LYST: variants seen among roughly 807,000 people sequenced by gnomAD.
The protein encoded by LYST is lysosomal trafficking regulator, also known as lysosomal-trafficking regulator.
LYST carries 192 observed loss-of-function variants against 413.6 expected under a neutral mutation model. The observed-to-expected ratio is 0.46, with a 90% CI of 0.41 to 0.52. The LOEUF (loss-of-function observed/expected upper bound fraction) is 0.52, where lower values mean the gene tolerates loss of function less well. LYST is among the 20% of genes least tolerant of loss of function. The pLI is 0.00. For synonymous variants in LYST, 1,525 were observed against 1,567.3 expected, an observed-to-expected ratio of 0.97 and a Z score of 0.64; for missense variants, 3,815 against 4,499.9, an observed-to-expected ratio of 0.85 and a Z score of 4.35.
intron 32 of LYST, among the ~76,000 whole-genome samples, chr1:235,734,192 A>G (rs1006390237): frequency 3.9e-5 from 6 of 152,092 alleles, no homozygotes; most frequent in African/African-American, 1.4e-4. Context: ...CTTTTTCATT[A>G]AAGAACCTCT....
intron 1 of LYST, among the ~76,000 whole-genome samples, chr1:235,840,677 T>G (rs768676943): frequency 3.9e-5 from 6 of 152,152 alleles, no homozygotes; most frequent in Non-Finnish European, 8.8e-5. Flanking sequence ...ATTTTGAACA[T>G]GTGAGTGGCA....
Position 235,778,121 on chromosome 1 carries a change from A to ATATT in LYST, c.5215-814_5215-813insAATA, listed in dbSNP as rs1039912155. The stretch of plus-strand genomic sequence containing the variant: ...TAAATATATATATATATATATATAT[A>ATATT]TTTTTGTAGAGACATGGTCTTGTTA... On this transcript the variant is annotated intron_variant, in intron 16 of 52. Coordinates refer to ENST00000389793, the MANE Select transcript of LYST (RefSeq NM_000081.4). Among the ~76,000 whole-genome samples the ATATT allele has an allele frequency of 5.0e-4, 73 of 145,298 alleles. 1 individual carries two copies. The highest frequency in any genetic ancestry group is 3.3e-3 in the Admixed American group (49 of 14,786).
rs755781095 is a variant in LYST at position 235,730,868 on chromosome 1, T to C, written c.9023A>G (p.Lys3008Arg). ...TTACCTTATAGATTCACTTGCAGCT[T>C]TGTCTTTGACAGTAGAAGAGAAAGA... ...HSSFSSTVKD[K>R]AASESIRVNR... The change falls in exon 36 of 53, where the codon AAA becomes AGA. Residue 3008 changes from lysine (K) to arginine (R), a missense_variant. Physicochemically the swap from Lys to Arg is conservative, Grantham distance 26 (BLOSUM62 2). Coordinates refer to ENST00000389793, the MANE Select transcript of LYST (RefSeq NM_000081.4). 8 of 1,611,938 alleles carry C rather than the reference T, an allele frequency of 5.0e-6. No homozygotes were observed. In the Admixed American group the frequency reaches 1.3e-4, roughly 27 times the overall value.
upstream of LYST, among the ~76,000 whole-genome samples, chr1:235,869,357 A>C (rs903467594): frequency 1.3e-4 from 20 of 152,184 alleles, no homozygotes; most frequent in Admixed American, 6.5e-5. Flanking sequence ...CTGTAGTCTC[A>C]GCTAATCGAG....
chr1:235,809,061 A>T lies in LYST; in HGVS notation c.1757T>A (p.Met586Lys), dbSNP rs770588600. The T allele has an allele frequency of 5.6e-6, 9 of 1,614,160 alleles. No individual in the cohort carries two copies. The East Asian group carries it at 1.8e-4, about 32-fold the overall frequency. The change falls in exon 5 of 53, where the codon ATG (methionine) becomes AAG (lysine). Residue 586 changes from methionine (M) to lysine (K), a missense_variant. This residue lies in a region of LYST where 1,648 missense variants were observed against 1,810.3 expected (regional missense o/e 0.91). Transcript: ENST00000389793. This position sits in a 1 kb window ranked among gnomAD's most constrained non-coding sequence, Gnocchi z 4.0. ...GVHNIGICCC[M>K]DPKSVIIPLL... ...AGGAATGATTACAGATTTGGGATCC[A>T]TACAACAGCATATTCCAATGTTATG...
chr1:235,852,195 T>C (rs546153950), intron 1 of LYST, among the ~76,000 whole-genome samples: 4 of 152,202 alleles, frequency 2.6e-5, no homozygotes, highest in East Asian at 3.9e-4. Context: ...GAAATGCTGT[T>C]AAGGCTTTTA....
intron 50 of LYST, among the ~76,000 whole-genome samples, chr1:235,673,569 C>A (rs2103028133): frequency 6.6e-6 from 1 of 152,304 alleles, no homozygotes. Flanking sequence ...CCGCCCCCCA[C>A]AACTGTCACA....
intron 3 of LYST, among the ~76,000 whole-genome samples, chr1:235,821,470 C>A (rs994860554): frequency 3.3e-5 from 5 of 151,972 alleles, no homozygotes; most frequent in African/African-American, 9.7e-5. Flanking sequence ...AAAATTGGTT[C>A]TTCTAATCTT....
chr1:235,823,792 C>T (rs1012252221), intron 3 of LYST, among the ~76,000 whole-genome samples: 1 of 152,214 alleles, frequency 6.6e-6, no homozygotes, highest in African/African-American at 2.4e-5. Context: ...ATGTCAATAT[C>T]TAAGAAGCAG....
chr1:235,775,462 G>A (rs1669139118), intron 17 of LYST, among the ~76,000 whole-genome samples: 1 of 152,142 alleles, frequency 6.6e-6, no homozygotes, highest in Non-Finnish European at 1.5e-5. Flanking sequence ...GGGGTCTACT[G>A]TCCTGTCAAA....
intron 39 of LYST, among the ~76,000 whole-genome samples, chr1:235,722,623 C>T (rs972158641): frequency 6.6e-6 from 1 of 152,056 alleles, no homozygotes; most frequent in Non-Finnish European, 1.5e-5. Context: ...GTAGCTGGGA[C>T]TACAGGCATG....
chr1:235,801,350 T>C (rs1413038620), intron 8 of LYST, among the ~76,000 whole-genome samples: 1 of 151,772 alleles, frequency 6.6e-6, no homozygotes, highest in Non-Finnish European at 1.5e-5. Flanking sequence ...TACAGACATA[T>C]GATAGAGATT....
At chr1:235,770,102 T>C (rs927420163) in intron 20 of LYST, 58 bp downstream of exon 20, 10 of 1,544,016 alleles carry the variant, frequency 6.5e-6, no homozygotes, top group South Asian at 4.5e-5. Flanking sequence ...TTGATGTTCA[T>C]AGTATTATTA....
At chr1:235,830,016 C>T in intron 3 of LYST, 1 of 544,822 alleles carries the variant, frequency 1.8e-6, no homozygotes, top group Non-Finnish European at 3.3e-6. Context: ...AGTTCTTAGG[C>T]AATTCATAAT....
chr1:235,753,661 A>C (rs1572153082), intron 25 of LYST, among the ~76,000 whole-genome samples: 1 of 152,308 alleles, frequency 6.6e-6, no homozygotes, highest in East Asian at 1.9e-4. Flanking sequence ...AAAGAGGTCT[A>C]GCAAAAGGGA....
chr1:235,833,901 C>T (rs1165043302), intron 1 of LYST, among the ~76,000 whole-genome samples: 1 of 152,162 alleles, frequency 6.6e-6, no homozygotes, highest in African/African-American at 2.4e-5. Context: ...TTTTCCTCTT[C>T]CAGTTCTTAA....
chr1:235,691,291 ATTATC>A (rs1209567566), intron 47 of LYST, among the ~76,000 whole-genome samples: 3 of 152,310 alleles, frequency 2.0e-5, no homozygotes, highest in African/African-American at 7.2e-5. Context: ...TGTGAGTACT[ATTATC>A]TTGGTTGTAA....
intron 38 of LYST, among the ~76,000 whole-genome samples, chr1:235,725,721 C>T (rs1404386278): frequency 3.3e-5 from 5 of 152,228 alleles, no homozygotes; most frequent in African/African-American, 1.2e-4. Context: ...AAGCCCCACT[C>T]ACTAAATGTA....
intron 22 of LYST, among the ~76,000 whole-genome samples, chr1:235,762,255 T>G (rs1359308722): frequency 6.6e-6 from 1 of 152,138 alleles, no homozygotes; most frequent in African/African-American, 2.4e-5. Flanking sequence ...AAGCGGGATA[T>G]TGTAGTTTCA....
Sources: allele counts gnomAD v4.1 joint callset (sites outside exome capture counted in the v4.1 genomes callset), GRCh38; gene constraint gnomAD v4.1.1; regional missense constraint gnomAD v4.1.1; non-coding constraint Gnocchi (gnomAD v3.1); transcripts MANE v1.5; gene names NCBI Gene and HGNC (gene_info 2026-07-23, HGNC 2026-07-21).